FGF14: variants seen among roughly 807,000 people sequenced by gnomAD.
The protein encoded by FGF14 is fibroblast growth factor 14, also known as fibroblast growth factor homologous factor 4.
Under a neutral mutation model 25.5 loss-of-function variants are expected in FGF14, and 5 were observed. The observed-to-expected ratio is 0.20, with a 90% CI of 0.10 to 0.41. FGF14 has a LOEUF of 0.41. FGF14 is among the 10% of genes least tolerant of loss of function. FGF14 has a pLI of 1.00. For synonymous variants in FGF14, 138 were observed against 118.3 expected, an observed-to-expected ratio of 1.17 and a Z score of -1.08; for missense variants, 222 against 320.1, an observed-to-expected ratio of 0.69 and a Z score of 2.34.
chr13:102,118,325 A>G (rs2765630), intron 1 of FGF14, among the ~76,000 whole-genome samples: 80,474 of 151,590 alleles, frequency 0.53, 22,743 homozygotes, highest in East Asian at 0.75. Flanking sequence ...GAGAAAAATA[A>G]TTTAAGAAAA....
At position 102,214,256 on chromosome 13, in the gene FGF14, T is replaced by C. The variant is rs1450917481; in HGVS notation, c.208+187215A>G. 2.6e-5 allele frequency among the ~76,000 whole-genome samples: 4 copies of C among 152,240 alleles called. No individual in the cohort carries two copies. The East Asian group carries it at 7.7e-4, about 29-fold the overall frequency. On this transcript the variant is annotated intron_variant, in intron 1 of 4. Coordinates refer to the FGF14 transcript ENST00000376131. ...CTCATTAATTCCCTTCCTTTGCCAT[T>C]AATTACTTTCAACCAAATGATGAAA...
chr13:102,338,479 G>A (rs72647486), intron 1 of FGF14, among the ~76,000 whole-genome samples: 7,647 of 152,248 alleles, frequency 0.05, 270 homozygotes, highest in Non-Finnish European at 0.079. Context: ...TTATAGAAAA[G>A]CTGATCAATG....
intron 1 of FGF14, among the ~76,000 whole-genome samples, chr13:101,924,382 T>C (rs2034220000): frequency 6.6e-6 from 1 of 152,184 alleles, no homozygotes; most frequent in Non-Finnish European, 1.5e-5. Context: ...ACATGTTGTA[T>C]GCATTTGTGC....
intron 1 of FGF14, among the ~76,000 whole-genome samples, chr13:101,879,789 T>C (rs2045598928): frequency 6.6e-6 from 1 of 152,168 alleles, no homozygotes; most frequent in African/African-American, 2.4e-5. Context: ...TAAAAACAAC[T>C]TTTGTAATGT....
intron 3 of FGF14, among the ~76,000 whole-genome samples, chr13:101,841,913 G>T (rs901363371): frequency 6.6e-6 from 1 of 151,858 alleles, no homozygotes; most frequent in Non-Finnish European, 1.5e-5. Flanking sequence ...TTTTCTGCAC[G>T]TGAAAAGAAT....
chr13:102,157,691 CA>C (rs901197662), intron 1 of FGF14, among the ~76,000 whole-genome samples: 12 of 152,168 alleles, frequency 7.9e-5, no homozygotes, highest in African/African-American at 2.6e-4. Flanking sequence ...TTCTGCACAG[CA>C]AAAAAATTAA....
intron 1 of FGF14, among the ~76,000 whole-genome samples, chr13:101,914,797 A>ATTTAC (rs1222560567): frequency 3.5e-4 from 53 of 152,326 alleles, no homozygotes; most frequent in African/African-American, 1.3e-3. Context: ...TAGTATGTTA[A>ATTTAC]TTTACTTTAT....
chr13:102,261,628 G>A (rs1412894166), intron 1 of FGF14, among the ~76,000 whole-genome samples: 2 of 152,196 alleles, frequency 1.3e-5, no homozygotes, highest in Non-Finnish European at 2.9e-5. Flanking sequence ...AACAAGGGTG[G>A]CTATCAGCTT....
At chr13:102,363,559 C>T (rs541070939) in intron 1 of FGF14, among the ~76,000 whole-genome samples, 16 of 152,316 alleles carry the variant, frequency 1.1e-4, no homozygotes, top group Non-Finnish European at 1.9e-4. Flanking sequence ...ACCACCACTG[C>T]ATTCCGTTAG....
chr13:101,767,891 T>C, intron 3 of FGF14, among the ~76,000 whole-genome samples: 1 of 152,288 alleles, frequency 6.6e-6, no homozygotes, highest in East Asian at 1.9e-4. Flanking sequence ...GGATTTGAAT[T>C]TAATTTTTTT....
In FGF14 at chr13:101,797,735, ATGTGTGTG is replaced by A. The variant is rs1555384521; in HGVS notation, c.409-70933_409-70926del. ...TAACTAAAGAGAATGTCATGAATTGATGTGTGTGTGTGTGTGTGTGTGTGTGTGTGTGT... is the reference window on the plus strand; with the variant it reads ...TAACTAAAGAGAATGTCATGAATTGATGTGTGTGTGTGTGTGTGTGTGTGT... On this transcript the variant is annotated intron_variant, in intron 3 of 4. Transcript: ENST00000376143. Among the ~76,000 whole-genome samples the A allele has an allele frequency of 1.2e-3, 40 of 34,078 alleles. 1 individual carries two copies. The South Asian group carries it at 0.025, about 22-fold the overall frequency. 22.4% of individuals were successfully genotyped at this position (34,078 alleles called of 152,430 possible).
chr13:102,222,720 G>A (rs1298289866), intron 1 of FGF14, among the ~76,000 whole-genome samples: 1 of 152,152 alleles, frequency 6.6e-6, no homozygotes, highest in East Asian at 1.9e-4. Flanking sequence ...TTCTTCCCCA[G>A]GGTAAGCATC....
At chr13:102,009,364 A>C (rs1428338769) in intron 1 of FGF14, among the ~76,000 whole-genome samples, 1 of 152,140 alleles carries the variant, frequency 6.6e-6, no homozygotes, top group African/African-American at 2.4e-5. Flanking sequence ...TCTATTGGTA[A>C]ATTTTCCAAT....
chr13:102,297,696 G>A (rs561771047), intron 1 of FGF14, among the ~76,000 whole-genome samples: 2 of 150,912 alleles, frequency 1.3e-5, no homozygotes, highest in South Asian at 4.2e-4. Flanking sequence ...GACCAGTCTG[G>A]GCAATACAGC....
intron 1 of FGF14, among the ~76,000 whole-genome samples, chr13:102,287,434 T>C (rs959489787): frequency 2.6e-4 from 39 of 152,222 alleles, no homozygotes; most frequent in African/African-American, 9.4e-4. Flanking sequence ...AAGGTAGACA[T>C]GCAATTTAGG....
At chr13:102,034,341 G>T (rs141026356) in intron 1 of FGF14, among the ~76,000 whole-genome samples, 1 of 152,132 alleles carries the variant, frequency 6.6e-6, no homozygotes, top group African/African-American at 2.4e-5. Flanking sequence ...AGGCTCTTAA[G>T]AGTTAGAAGC....
intron 1 of FGF14, among the ~76,000 whole-genome samples, chr13:101,896,018 A>T (rs908220628): frequency 6.6e-6 from 1 of 152,196 alleles, no homozygotes. Context: ...ATTTTAAATT[A>T]CTTAACCATA....
intron 1 of FGF14, among the ~76,000 whole-genome samples, chr13:101,979,752 C>T (rs144637839): frequency 0.013 from 2,008 of 152,144 alleles, 51 homozygotes; most frequent in African/African-American, 0.046. Flanking sequence ...AGTTAGTACA[C>T]CCCATGGAAA....
At chr13:102,064,016 A>C (rs2042799710) in intron 1 of FGF14, among the ~76,000 whole-genome samples, 2 of 152,202 alleles carry the variant, frequency 1.3e-5, no homozygotes, top group African/African-American at 4.8e-5. Flanking sequence ...TAAAGTACAC[A>C]TTTAAAAATG....
Sources: allele counts gnomAD v4.1 joint callset (sites outside exome capture counted in the v4.1 genomes callset), GRCh38; gene constraint gnomAD v4.1.1; transcripts MANE v1.5; gene names NCBI Gene and HGNC (gene_info 2026-07-23, HGNC 2026-07-21).